ACLY: variants seen among roughly 807,000 people sequenced by gnomAD.
The protein encoded by ACLY is ATP citrate lyase, also known as ATP-citrate synthase.
A neutral mutation model predicts 133.0 loss-of-function variants in ACLY; 41 were observed. The observed-to-expected ratio is 0.31, with a 90% CI of 0.24 to 0.40. The LOEUF (loss-of-function observed/expected upper bound fraction) is 0.40, where lower values mean the gene tolerates loss of function less well. Ranked by LOEUF, ACLY falls within the 10% of genes least tolerant of loss-of-function variation. The pLI is 1.00. For missense variants in ACLY, 1,046 were observed against 1,453.8 expected (o/e 0.72, Z 4.56); for synonymous variants, 495 against 549.3 (o/e 0.90, Z 1.38).
chr17:41,895,160 A>G (rs547165985), intron 14 of ACLY, among the ~76,000 whole-genome samples: 3 of 152,328 alleles, frequency 2.0e-5, no homozygotes, highest in Non-Finnish European at 4.4e-5. Context: ...CCAGCATCAG[A>G]GCCAGGATTA....
At chr17:41,921,042 C>T (rs1312264206), upstream of ACLY, among the ~76,000 whole-genome samples, 2 of 150,782 alleles carry the variant, frequency 1.3e-5, no homozygotes, top group Non-Finnish European at 2.9e-5. Context: ...AGGAGAATCG[C>T]TTGAACCCAG....
At chr17:41,919,136 T>C (rs1413109530), upstream of ACLY, 2 of 1,109,056 alleles carry the variant, frequency 1.8e-6, no homozygotes, top group East Asian at 1.4e-4. Flanking sequence ...CGGGGCCTGC[T>C]GGGACTTGTA....
chr17:41,900,917 C>T (rs2049519709), intron 11 of ACLY, among the ~76,000 whole-genome samples: 2 of 151,812 alleles, frequency 1.3e-5, no homozygotes, highest in African/African-American at 2.4e-5. Context: ...GCGCTGCTCC[C>T]TCATTCTAGG....
At chr17:41,921,642 A>G (rs2050184962), upstream of ACLY, among the ~76,000 whole-genome samples, 1 of 151,784 alleles carries the variant, frequency 6.6e-6, no homozygotes, top group African/African-American at 2.4e-5. Flanking sequence ...AGCCTTGGCA[A>G]TACAGTGAGT....
At chr17:41,904,614 C>G in intron 10 of ACLY, 115 bp downstream of exon 10, 1 of 987,628 alleles carries the variant, frequency 1.0e-6, no homozygotes, top group Non-Finnish European at 1.6e-6. Flanking sequence ...AGCTCCCTAC[C>G]TGACCTGGGA....
At position 41,873,949 on chromosome 17, in the gene ACLY, C is replaced by A. The variant is rs868935385; in HGVS notation, c.2504G>T (p.Arg835Leu). 2 of 1,602,380 alleles carry A rather than the reference C, an allele frequency of 1.2e-6. No homozygotes were observed. Among genetic ancestry groups the A allele is most frequent in the Non-Finnish European group, 1.7e-6 (2 of 1,172,442 alleles). ...GCTGGTCATGAACGAGGCAGGTTTG[C>A]GGATCAAACCAAGCTCCTGGGCAGA... The part of the protein sequence containing the change: ...YSWARELGLI[R>L]KPASFMTSIC... Residue 835 changes from arginine to leucine, a missense_variant, in exon 23 of 29, where the codon CGC becomes CTC. By Grantham distance (102) the Arg-to-Leu change is moderately radical. Coordinates refer to ENST00000352035, the MANE Select transcript of ACLY (RefSeq NM_001096.3).
intron 22 of ACLY, among the ~76,000 whole-genome samples, chr17:41,875,451 GTCTCCC>G (rs1317222467): frequency 4.2e-5 from 6 of 141,182 alleles, no homozygotes; most frequent in Non-Finnish European, 8.0e-5. Context: ...TCTCCCCACG[GTCTCCC>G]TCTCCCTCTC....
At chr17:41,897,291 G>C (rs2049396507) in intron 13 of ACLY, among the ~76,000 whole-genome samples, 1 of 152,060 alleles carries the variant, frequency 6.6e-6, no homozygotes, top group South Asian at 2.1e-4. Context: ...TTTCTTGCTG[G>C]GGATTCAAAG....
At chr17:41,903,818 T>G (rs762766710) in intron 10 of ACLY, among the ~76,000 whole-genome samples, 91 of 113,756 alleles carry the variant, frequency 8.0e-4, no homozygotes, top group Middle Eastern at 5.9e-3. Flanking sequence ...CTCACGAGAG[T>G]GTTGAAAGTA....
chr17:41,913,586 A>G, intron 2 of ACLY, 129 bp downstream of exon 2: 1 of 991,866 alleles, frequency 1.0e-6, no homozygotes, highest in Non-Finnish European at 1.5e-6. Flanking sequence ...AGCCCATGGC[A>G]TGCTTCCCAC....
intron 25 of ACLY, 55 bp downstream of exon 25, chr17:41,871,634 C>T (rs534180868): frequency 6.2e-7 from 1 of 1,606,174 alleles, no homozygotes; most frequent in African/African-American, 1.3e-5. Flanking sequence ...TGATTACAGG[C>T]ATGGGCCACC....
intron 2 of ACLY, 25 bp downstream of exon 2, chr17:41,913,690 G>C: frequency 6.2e-7 from 1 of 1,610,684 alleles, no homozygotes; most frequent in Non-Finnish European, 8.5e-7. Flanking sequence ...CTGGAAGAAA[G>C]GCCCAAAGTG....
chr17:41,891,777 C>G (rs907177124), intron 16 of ACLY, among the ~76,000 whole-genome samples: 1 of 152,110 alleles, frequency 6.6e-6, no homozygotes, highest in Non-Finnish European at 1.5e-5. Flanking sequence ...CTAACTGCAG[C>G]CTTGAACTCC....
intron 17 of ACLY, among the ~76,000 whole-genome samples, chr17:41,887,127 GA>G (rs535668437): frequency 0.033 from 3,605 of 108,430 alleles, 13 homozygotes; most frequent in African/African-American, 0.069. Flanking sequence ...CCGTCTCAAA[GA>G]AAAAAAAAAA....
At chr17:41,903,650 G>A (rs2049601048) in intron 10 of ACLY, among the ~76,000 whole-genome samples, 1 of 149,154 alleles carries the variant, frequency 6.7e-6, no homozygotes, top group Non-Finnish European at 1.5e-5. Context: ...CAGCTACTTG[G>A]AGGACTGAGG....
Position 41,912,410 on chromosome 17 carries a change from G to A in ACLY, c.282+10C>T. ...CCACACACGTTCATCCTGACCCCATGCCCACTCACTGTGGCTTCCTGTCCC... is the reference window on the plus strand; with the variant it reads ...CCACACACGTTCATCCTGACCCCATACCCACTCACTGTGGCTTCCTGTCCC... On this transcript the variant is annotated intron_variant, in intron 3 of 28. Transcript: ENST00000352035. 1 of 1,613,672 alleles carries A rather than the reference G, an allele frequency of 6.2e-7. No individual in the cohort carries two copies. Among genetic ancestry groups the A allele is most frequent in the Non-Finnish European group, 8.5e-7 (1 of 1,179,782 alleles).
intron 17 of ACLY, among the ~76,000 whole-genome samples, chr17:41,887,129 A>ATT (rs1555628326): frequency 1.2e-4 from 1 of 8,612 alleles, no homozygotes; most frequent in Non-Finnish European, 3.7e-4. Flanking sequence ...GTCTCAAAGA[A>ATT]AAAAAAAAAA....
At chr17:41,921,961 T>C (rs1162440503), upstream of ACLY, among the ~76,000 whole-genome samples, 2 of 152,072 alleles carry the variant, frequency 1.3e-5, no homozygotes, top group Non-Finnish European at 2.9e-5. Context: ...TTTGGGAGGC[T>C]GAGGCAGGCA....
In ACLY at chr17:41,868,824, G is replaced by A. The variant is rs370782998; in HGVS notation, c.3135-39C>T. The A allele has an allele frequency of 2.1e-4, 330 of 1,586,742 alleles. 3 individuals carry two copies. In the Middle Eastern group the frequency reaches 8.1e-3, roughly 39 times the overall value. ...CAACTTGTAGTTTTAAAAGGCTCACGTGACTGCCCTCCTCCCCACAGACAG... is the reference window on the plus strand; with the variant it reads ...CAACTTGTAGTTTTAAAAGGCTCACATGACTGCCCTCCTCCCCACAGACAG... On this transcript the variant is annotated intron_variant, in intron 27 of 28. Coordinates refer to ENST00000352035, the MANE Select transcript of ACLY (RefSeq NM_001096.3).
Sources: allele counts gnomAD v4.1 joint callset (sites outside exome capture counted in the v4.1 genomes callset), GRCh38; gene constraint gnomAD v4.1.1; transcripts MANE v1.5; gene names NCBI Gene and HGNC (gene_info 2026-07-23, HGNC 2026-07-21).